TMEM95: variants seen among roughly 807,000 people sequenced by gnomAD.
The protein encoded by TMEM95 is transmembrane protein 95.
A neutral mutation model predicts 27.7 loss-of-function variants in TMEM95; 21 were observed. The ratio of observed to expected loss-of-function variants is 0.76; its 90% confidence interval spans 0.54 to 1.09. TMEM95 has a LOEUF of 1.09. TMEM95 is among the 50% of genes least tolerant of loss of function. The pLI, the probability that TMEM95 is intolerant of heterozygous loss-of-function variation, is 0.00. For synonymous variants in TMEM95, 77 were observed against 85.7 expected, an observed-to-expected ratio of 0.90 and a Z score of 0.56; for missense variants, 203 against 217.9, an observed-to-expected ratio of 0.93 and a Z score of 0.43.
rs1368257034 is a variant in TMEM95 at position 7,356,418 on chromosome 17, A to T, written c.436A>T (p.Ile146Phe). 6.2e-7 allele frequency: 1 copy of T among 1,614,070 alleles called. No individual in the cohort carries two copies. The highest frequency in any genetic ancestry group is 1.1e-5 in the South Asian group (1 of 91,086). ...AAGTCAGGATCTTTGGGAAGCCAAG[A>T]TTCTGCTCCTCTCCATCTTCGGAGC... ...PGSQDLWEAK[I>F]LLLSIFGAFL... The change falls in exon 6 of 7, where the codon ATT (isoleucine) becomes TTT (phenylalanine). Residue 146 changes from isoleucine (I) to phenylalanine (F), a missense_variant. Transcript: ENST00000576060.
At position 7,355,846 on chromosome 17, in the gene TMEM95, G is replaced by A. The variant is rs868536602; in HGVS notation, c.235G>A (p.Glu79Lys). ...GCTGTCTGCCTCCCCAGAAATCAAA[G>A]AGGCTGTCTCCTCACTCCCTTCATA... ...HRVLRVMEIK[E>K]AVSSLPSYWS... is the part of the protein sequence containing the mutation. The change falls in exon 3 of 7, where the codon GAG (glutamate) becomes AAG (lysine). Residue 79 changes from glutamate (E) to lysine (K), a missense_variant. Glu to Lys is a moderately conservative substitution (Grantham distance 56, BLOSUM62 1). Transcript: ENST00000576060. This position sits in a 1 kb window ranked among gnomAD's most constrained non-coding sequence, Gnocchi z 4.9. 1 of 1,613,972 alleles carries A rather than the reference G, an allele frequency of 6.2e-7. No individual in the cohort carries two copies. The highest frequency in any genetic ancestry group is 8.5e-7 in the Non-Finnish European group (1 of 1,179,970).
chr17:7,356,620 A>G lies in TMEM95; in HGVS notation c.519A>G (p.Lys173=). 6.2e-7 allele frequency: 1 copy of G among 1,611,594 alleles called. No homozygotes were observed. The highest frequency in any genetic ancestry group is 8.5e-7 in the Non-Finnish European group (1 of 1,178,820). ...LLVESHHLQA[K]SGL is the part of the protein sequence containing the mutation. ...TCAGGTCCCACCACCTCCAAGCAAA[A>G]AGTGGCTTGTGAAGACGCTGAAAAC... Residue 173 remains lysine, a synonymous_variant, in exon 7 of 7, where the codon AAA becomes AAG. Transcript: ENST00000576060.
At position 7,355,338 on chromosome 17, in the gene TMEM95, G is replaced by A. The variant is rs528759368; in HGVS notation, c.134G>A (p.Cys45Tyr). 6 of 1,614,068 alleles carry A rather than the reference G, an allele frequency of 3.7e-6. No homozygotes were observed. The Admixed American group carries it at 5.0e-5, about 13-fold the overall frequency. ...CAGATGGAGGCCAGGCAGAAGGAATGTGGGGCCTCCCCAGACTTCTCGGCC... is the reference window on the plus strand; with the variant it reads ...CAGATGGAGGCCAGGCAGAAGGAATATGGGGCCTCCCCAGACTTCTCGGCC... ...CSQMEARQKE[C>Y]GASPDFSAFA... The change falls in exon 1 of 7, where the codon TGT becomes TAT. Residue 45 changes from cysteine (C) to tyrosine (Y), a missense_variant. By Grantham distance (194) the Cys-to-Tyr change is radical. Transcript: ENST00000576060. The surrounding 1 kb of genome is among the most constrained non-coding windows in gnomAD (Gnocchi z 4.9).
At position 7,355,373 on chromosome 17, in the gene TMEM95, G is replaced by A. The variant is rs1037019268; in HGVS notation, c.169G>A (p.Asp57Asn). The A allele has an allele frequency of 3.1e-6, 5 of 1,608,472 alleles. No individual in the cohort carries two copies. The highest frequency in any genetic ancestry group is 3.4e-6 in the Non-Finnish European group (4 of 1,176,120). Residue 57 changes from aspartate to asparagine, a missense_variant and splice_region_variant, in exon 1 of 7, where the codon GAT (aspartate) becomes AAT (asparagine). Coordinates refer to ENST00000576060, the MANE Select transcript of TMEM95 (RefSeq NM_001320436.2). The surrounding 1 kb of genome is among the most constrained non-coding windows in gnomAD (Gnocchi z 4.9). ...ASPDFSAFAL[D>N]EVSMNKVTEK... ...CCCAGACTTCTCGGCCTTTGCCTTA[G>A]GTAGGACCAGACATCCAGGGATGGG...
rs373032193 is a variant in TMEM95, at chr17:7,355,928, C to T, written c.307+10C>T. On this transcript the variant is annotated intron_variant, in intron 3 of 6. Coordinates refer to ENST00000576060, the MANE Select transcript of TMEM95 (RefSeq NM_001320436.2). The surrounding 1 kb of genome is among the most constrained non-coding windows in gnomAD (Gnocchi z 4.9). ...GAGTACACCAGGGAAGGTACCGATG[C>T]GGGATGGGCCTCAAGGGGAGCCTAG... 121 of 1,613,638 alleles carry T rather than the reference C, an allele frequency of 7.5e-5. No homozygotes were observed. The highest frequency in any genetic ancestry group is 5.5e-4 in the Admixed American group (33 of 59,974).
Position 7,356,232 on chromosome 17 carries a change from A to C in TMEM95, c.365A>C (p.Lys122Thr). 1 of 1,564,206 alleles carries C rather than the reference A, an allele frequency of 6.4e-7. No homozygotes were observed. Among genetic ancestry groups the C allele is most frequent in the Non-Finnish European group, 8.6e-7 (1 of 1,156,282 alleles). Residue 122 changes from lysine (K) to threonine (T), a missense_variant, in exon 5 of 7, where the codon AAG becomes ACG. Lys to Thr is a moderately conservative substitution (Grantham distance 78, BLOSUM62 -1). Coordinates refer to ENST00000576060, the MANE Select transcript of TMEM95 (RefSeq NM_001320436.2). ...STTLYNCSTC[K>T]GTEVSCWPRK... ...ACGCTGTACAACTGCTCCACCTGCA[A>C]GGGGACGGAGGTGTCCTGCTGGCCC...
rs1175424189 is a variant in TMEM95, at chr17:7,355,981, G to C, written c.308-48G>C. 1 of 1,613,508 alleles carries C rather than the reference G, an allele frequency of 6.2e-7. No individual in the cohort carries two copies. Among genetic ancestry groups the C allele is most frequent in the African/African-American group, 1.3e-5 (1 of 74,894 alleles). ...TCTTAACCAAAGGAATGTGTGGTGA[G>C]CAGCTCATCCATTCACACCCCCACC... On this transcript the variant is annotated intron_variant, in intron 3 of 6. Coordinates refer to ENST00000576060, the MANE Select transcript of TMEM95 (RefSeq NM_001320436.2). This position sits in a 1 kb window ranked among gnomAD's most constrained non-coding sequence, Gnocchi z 4.9.
At position 7,356,265 on chromosome 17, in the gene TMEM95, G is replaced by T. The variant is rs573411610; in HGVS notation, c.398G>T (p.Arg133Leu). The T allele has an allele frequency of 1.2e-5, 19 of 1,573,746 alleles. No individual in the cohort carries two copies. The highest frequency in any genetic ancestry group is 1.5e-5 in the Non-Finnish European group (18 of 1,162,346). Residue 133 changes from arginine to leucine, a missense_variant, in exon 5 of 7, where the codon CGC becomes CTC. Arg to Leu is a moderately radical substitution (Grantham distance 102). Transcript: ENST00000576060. The stretch of plus-strand genomic sequence containing the variant: ...GAGGTGTCCTGCTGGCCCCGAAAGC[G>T]CTGCTTCCCAGGTCCTCACGCCCAT... ...GTEVSCWPRK[R>L]CFPGSQDLWE...
At position 7,355,766 on chromosome 17, in the gene TMEM95, G is replaced by A. The variant is rs1291081729; in HGVS notation, c.227-72G>A. Reference sequence around the variant, plus strand: ...AGAGACAGGAGGGCTGATCAGGGAGGGGCTGCGTGAAGAGAGGGGGAACTG... The same window carrying A: ...AGAGACAGGAGGGCTGATCAGGGAGAGGCTGCGTGAAGAGAGGGGGAACTG... On this transcript the variant is annotated intron_variant, in intron 2 of 6. Transcript: ENST00000576060. The surrounding 1 kb of genome is among the most constrained non-coding windows in gnomAD (Gnocchi z 4.9). The A allele has an allele frequency of 6.4e-7, 1 of 1,566,142 alleles. No homozygotes were observed. The highest frequency in any genetic ancestry group is 8.8e-7 in the Non-Finnish European group (1 of 1,137,710).
chr17:7,355,413 AC>A lies in TMEM95; in HGVS notation c.169+46del, dbSNP rs967018613. ...CCAGGGATGGGCCCAGCAAGCACTC[AC>A]CCCCCTACCCCCAGAGGGTGGCATG... On this transcript the variant is annotated intron_variant, in intron 1 of 6. Transcript: ENST00000576060. The surrounding 1 kb of genome is among the most constrained non-coding windows in gnomAD (Gnocchi z 4.9). The A allele has an allele frequency of 4.4e-6, 7 of 1,582,842 alleles. No individual in the cohort carries two copies. The highest frequency in any genetic ancestry group is 3.6e-5 in the Admixed American group (2 of 55,864).
Position 7,356,395 on chromosome 17 carries a change from G to C in TMEM95, c.413G>C (p.Ser138Thr). The C allele has an allele frequency of 6.2e-7, 1 of 1,613,922 alleles. No homozygotes were observed. Residue 138 changes from serine to threonine, a missense_variant, in exon 6 of 7, where the codon AGT becomes ACT. Coordinates refer to ENST00000576060, the MANE Select transcript of TMEM95 (RefSeq NM_001320436.2). ...CWPRKRCFPG[S>T]QDLWEAKILL... is the part of the protein sequence containing the mutation. ...CTGCCTCCTGGGTTCCCTGCAGGAAGTCAGGATCTTTGGGAAGCCAAGATT... is the reference window on the plus strand; with the variant it reads ...CTGCCTCCTGGGTTCCCTGCAGGAACTCAGGATCTTTGGGAAGCCAAGATT...
chr17:7,355,766 G>GA lies in TMEM95; in HGVS notation c.227-72_227-71insA. ...AGAGACAGGAGGGCTGATCAGGGAGGGGCTGCGTGAAGAGAGGGGGAACTG... is the reference window on the plus strand; with the variant it reads ...AGAGACAGGAGGGCTGATCAGGGAGGAGGCTGCGTGAAGAGAGGGGGAACTG... On this transcript the variant is annotated intron_variant, in intron 2 of 6. Coordinates refer to ENST00000576060, the MANE Select transcript of TMEM95 (RefSeq NM_001320436.2). The surrounding 1 kb of genome is among the most constrained non-coding windows in gnomAD (Gnocchi z 4.9). 6.4e-7 allele frequency: 1 copy of GA among 1,566,144 alleles called. No individual in the cohort carries two copies. The highest frequency in any genetic ancestry group is 1.1e-5 in the South Asian group (1 of 89,928).
Position 7,355,391 on chromosome 17 carries a change from G to C in TMEM95, c.169+18G>C, listed in dbSNP as rs370689505. On this transcript the variant is annotated intron_variant, in intron 1 of 6. Transcript: ENST00000576060. This position sits in a 1 kb window ranked among gnomAD's most constrained non-coding sequence, Gnocchi z 4.9. ...TGCCTTAGGTAGGACCAGACATCCAGGGATGGGCCCAGCAAGCACTCACCC... is the reference window on the plus strand; with the variant it reads ...TGCCTTAGGTAGGACCAGACATCCACGGATGGGCCCAGCAAGCACTCACCC... The C allele has an allele frequency of 2.3e-5, 37 of 1,602,016 alleles. 1 individual carries two copies. In the South Asian group the frequency reaches 3.8e-4, roughly 16 times the overall value.
intron 4 of TMEM95, 52 bp downstream of exon 4, chr17:7,356,101 G>C: frequency 6.2e-7 from 1 of 1,612,780 alleles, no homozygotes; most frequent in Non-Finnish European, 8.5e-7. Context: ...CAGGGTGTCA[G>C]AGGAGGGCCT....
rs1221497074 is a variant in TMEM95, at chr17:7,356,682, A to G, written c.*50A>G. Reference sequence around the variant, plus strand: ...CAGCTCTAAGGGGTATGCACTCACAACTTCCACATCCCTTGGAGGGGAACC... The same window carrying G: ...CAGCTCTAAGGGGTATGCACTCACAGCTTCCACATCCCTTGGAGGGGAACC... On this transcript the variant is annotated 3_prime_UTR_variant, in exon 7 of 7. Coordinates refer to ENST00000576060, the MANE Select transcript of TMEM95 (RefSeq NM_001320436.2). 6.3e-7 allele frequency: 1 copy of G among 1,598,688 alleles called. No homozygotes were observed.
chr17:7,356,587 G>T lies in TMEM95; in HGVS notation c.498-12G>T. 1.2e-6 allele frequency: 2 copies of T among 1,605,824 alleles called. No homozygotes were observed. Among genetic ancestry groups the T allele is most frequent in the Non-Finnish European group, 8.5e-7 (1 of 1,176,114 alleles). ...CCCCTCCCGTAGGCTTCCCACCCTC[G>T]TCTTCCCTCAGGTCCCACCACCTCC... On this transcript the variant is annotated splice_polypyrimidine_tract_variant and intron_variant, in intron 6 of 6. Transcript: ENST00000576060.
Position 7,356,264 on chromosome 17 carries a change from C to T in TMEM95, c.397C>T (p.Arg133Cys), listed in dbSNP as rs763135417. 5 of 1,573,446 alleles carry T rather than the reference C, an allele frequency of 3.2e-6. No homozygotes were observed. Among genetic ancestry groups the T allele is most frequent in the East Asian group, 2.2e-5 (1 of 44,592 alleles). ...GGAGGTGTCCTGCTGGCCCCGAAAG[C>T]GCTGCTTCCCAGGTCCTCACGCCCA... Reference protein sequence around the residue: ...GTEVSCWPRKRCFPGSQDLWE... With the variant: ...GTEVSCWPRKCCFPGSQDLWE... The change falls in exon 5 of 7, where the codon CGC (arginine) becomes TGC (cysteine). Residue 133 changes from arginine to cysteine, a missense_variant. Transcript: ENST00000576060.
chr17:7,356,289 A>G lies in TMEM95; in HGVS notation c.409+13A>G. 1 of 1,588,232 alleles carries G rather than the reference A, an allele frequency of 6.3e-7. No homozygotes were observed. The highest frequency in any genetic ancestry group is 8.6e-7 in the Non-Finnish European group (1 of 1,169,452). The stretch of plus-strand genomic sequence containing the variant: ...CGCTGCTTCCCAGGTCCTCACGCCC[A>G]TCTTGGCCCCGCCCCACCTTGCCCA... On this transcript the variant is annotated intron_variant, in intron 5 of 6. Coordinates refer to ENST00000576060, the MANE Select transcript of TMEM95 (RefSeq NM_001320436.2).
In TMEM95 at chr17:7,357,087, A is replaced by C. The variant is rs2073524345; in HGVS notation, c.*455A>C. 1 of 179,770 alleles carries C rather than the reference A, an allele frequency of 5.6e-6. No individual in the cohort carries two copies. Among genetic ancestry groups the C allele is most frequent in the Admixed American group, 5.9e-5 (1 of 16,840 alleles). 11.1% of individuals were successfully genotyped at this position (179,770 alleles called of 1,614,324 possible). On this transcript the variant is annotated 3_prime_UTR_variant, in exon 7 of 7. Transcript: ENST00000576060. ...CGGGAATGCATGTTCTGGAAAACTC[A>C]CCCCACTAGAGTGAGATCACATCAG...
Sources: allele counts gnomAD v4.1 joint callset, GRCh38; gene constraint gnomAD v4.1.1; non-coding constraint Gnocchi (gnomAD v3.1); transcripts MANE v1.5; gene names NCBI Gene and HGNC (gene_info 2026-07-23, HGNC 2026-07-21).